Variants in LACTB2 observed in about 807,000 individuals in gnomAD.
LACTB2 encodes lactamase beta 2, also known as endoribonuclease LACTB2.
A neutral mutation model predicts 34.8 loss-of-function variants in LACTB2; 32 were observed. The ratio of observed to expected loss-of-function variants is 0.92; its 90% CI spans 0.69 to 1.24. The LOEUF is 1.24. Among genes scored for constraint, LACTB2 ranks in the 50% most tolerant of loss-of-function variants. The pLI, the probability that LACTB2 is intolerant of heterozygous loss-of-function variation, is 0.00. For synonymous variants in LACTB2, 120 were observed against 117.5 expected, an observed-to-expected ratio of 1.02 and a Z score of -0.14; for missense variants, 320 against 345.0, an observed-to-expected ratio of 0.93 and a Z score of 0.57.
At chr8:70,650,591 G>C (rs567437215) in intron 3 of LACTB2, among the ~76,000 whole-genome samples, 1 of 151,880 alleles carries the variant, frequency 6.6e-6, no homozygotes, top group Non-Finnish European at 1.5e-5. Flanking sequence ...TTAGCTGGGC[G>C]TGGTGGCGGA....
At chr8:70,655,508 C>G (rs1361357801) in intron 3 of LACTB2, among the ~76,000 whole-genome samples, 1 of 152,150 alleles carries the variant, frequency 6.6e-6, no homozygotes, top group Non-Finnish European at 1.5e-5. Context: ...AGGTGTGAGC[C>G]ACCATGCCTG....
intron 3 of LACTB2, among the ~76,000 whole-genome samples, chr8:70,648,652 G>C (rs986666236): frequency 1.3e-5 from 2 of 152,100 alleles, no homozygotes; most frequent in Non-Finnish European, 2.9e-5. Context: ...CAGCACAAAA[G>C]AGATGAGAGA....
rs1433655301 is a variant in LACTB2 at position 70,647,106 on chromosome 8, A to G, written c.414-2863T>C. On this transcript the variant is annotated intron_variant, in intron 3 of 6. Transcript: ENST00000276590. Reference sequence around the variant, plus strand: ...CCTCTCCATTTTACATTTTACATAAATAAATCACAGCAAATAGCAATACAT... The same window carrying G: ...CCTCTCCATTTTACATTTTACATAAGTAAATCACAGCAAATAGCAATACAT... Among the ~76,000 whole-genome samples the G allele has an allele frequency of 2.0e-5, 3 of 152,316 alleles. No homozygotes were observed. The East Asian group carries it at 5.8e-4, about 29-fold the overall frequency.
Position 70,650,788 on chromosome 8 carries a change from A to G in LACTB2, c.414-6545T>C, listed in dbSNP as rs914372479. ...AAAAAAGAAACAGATAAAGCCCCAA[A>G]CTGACAAAGGTACAAAAAGAAAAAT... On this transcript the variant is annotated intron_variant, in intron 3 of 6. Coordinates refer to ENST00000276590, the MANE Select transcript of LACTB2 (RefSeq NM_016027.3). Among the ~76,000 whole-genome samples, 13 of 151,148 alleles carry G rather than the reference A, an allele frequency of 8.6e-5. No homozygotes were observed. In the South Asian group the frequency reaches 2.1e-3, roughly 24 times the overall value.
intron 2 of LACTB2, chr8:70,660,512 CAG>C (rs1025096380): frequency 5.0e-5 from 21 of 416,404 alleles, no homozygotes; most frequent in Non-Finnish European, 9.7e-5. Context: ...CCTAAAAAAG[CAG>C]ATCTTTACAA....
At chr8:70,667,848 T>C (rs1050848314) in intron 1 of LACTB2, among the ~76,000 whole-genome samples, 3 of 152,220 alleles carry the variant, frequency 2.0e-5, no homozygotes, top group African/African-American at 4.8e-5. Flanking sequence ...TCTGATAATA[T>C]GCATCTTTTG....
chr8:70,667,919 G>C (rs369612067), intron 1 of LACTB2, among the ~76,000 whole-genome samples: 25 of 152,178 alleles, frequency 1.6e-4, no homozygotes, highest in African/African-American at 5.6e-4. Context: ...GGATTTACTT[G>C]GTTGAGGGAC....
intron 1 of LACTB2, 146 bp from the exon 2 acceptor site, chr8:70,662,043 T>A: frequency 1.6e-6 from 1 of 617,606 alleles, no homozygotes; most frequent in Non-Finnish European, 2.7e-6. Context: ...CACTTCAGCT[T>A]AACTACAGTA....
At chr8:70,651,551 C>A (rs1234841881) in intron 3 of LACTB2, among the ~76,000 whole-genome samples, 1 of 152,098 alleles carries the variant, frequency 6.6e-6, no homozygotes, top group Admixed American at 6.5e-5. Flanking sequence ...CAAAAACTCA[C>A]TTGTAGAACC....
At chr8:70,662,405 T>C (rs1344808108) in intron 1 of LACTB2, 2 of 152,320 alleles carry the variant, frequency 1.3e-5, no homozygotes, top group Admixed American at 1.3e-4. Flanking sequence ...TTTGATTCAA[T>C]GGCACCCCTA....
chr8:70,650,217 C>T (rs962179789), intron 3 of LACTB2, among the ~76,000 whole-genome samples: 4 of 152,040 alleles, frequency 2.6e-5, no homozygotes, highest in Non-Finnish European at 4.4e-5. Flanking sequence ...TCGTTTAGGC[C>T]AACCTTATAT....
chr8:70,661,050 G>C (rs945290638), intron 2 of LACTB2: 3 of 453,720 alleles, frequency 6.6e-6, no homozygotes, highest in African/African-American at 2.0e-5. Context: ...AAAGTGCTGG[G>C]ATTACAGGCA....
chr8:70,657,225 T>G (rs1365911667), intron 3 of LACTB2, among the ~76,000 whole-genome samples: 1 of 152,172 alleles, frequency 6.6e-6, no homozygotes, highest in Non-Finnish European at 1.5e-5. Flanking sequence ...CAACACTTAT[T>G]TTTTAAAGTG....
At chr8:70,653,395 A>G (rs548583414) in intron 3 of LACTB2, among the ~76,000 whole-genome samples, 3 of 152,284 alleles carry the variant, frequency 2.0e-5, no homozygotes, top group East Asian at 1.9e-4. Flanking sequence ...GCACCTGGCT[A>G]TATTTTCAAC....
intron 1 of LACTB2, among the ~76,000 whole-genome samples, chr8:70,668,491 T>C (rs1241207483): frequency 2.0e-5 from 3 of 152,218 alleles, no homozygotes; most frequent in South Asian, 2.1e-4. Flanking sequence ...GCTCCTCTTA[T>C]GAGCCCACAG....
At chr8:70,639,223 G>A (rs1052289454) in intron 5 of LACTB2, among the ~76,000 whole-genome samples, 4 of 146,788 alleles carry the variant, frequency 2.7e-5, no homozygotes, top group South Asian at 2.2e-4. Context: ...GCAATGGCGC[G>A]ATCTCGGCTC....
Position 70,669,025 on chromosome 8 carries a change from G to GT in LACTB2, c.95dup (p.Asn32LysfsTer15). 6.2e-7 allele frequency: 1 copy of GT among 1,603,070 alleles called. No individual in the cohort carries two copies. Among genetic ancestry groups the GT allele is most frequent in the South Asian group, 1.1e-5 (1 of 89,248 alleles). Reference sequence around the variant, plus strand: ...TGGGGCCGGTCCCCACTAGGTAGGTGTTGGTGCCTTGGAGGGTCATGGGAC... The same window carrying GT: ...TGGGGCCGGTCCCCACTAGGTAGGTGTTTGGTGCCTTGGAGGGTCATGGGAC... On this transcript the variant is annotated frameshift_variant, in exon 1 of 7. Transcript: ENST00000276590. LOFTEE classifies it high-confidence loss of function.
At chr8:70,662,044 A>G in intron 1 of LACTB2, 147 bp from the exon 2 acceptor site, 1 of 619,314 alleles carries the variant, frequency 1.6e-6, no homozygotes, top group Non-Finnish European at 2.7e-6. Context: ...ACTTCAGCTT[A>G]ACTACAGTAA....
intron 3 of LACTB2, among the ~76,000 whole-genome samples, chr8:70,652,065 T>A (rs1174729513): frequency 6.6e-6 from 1 of 152,186 alleles, no homozygotes; most frequent in Non-Finnish European, 1.5e-5. Context: ...TGAAAAACCT[T>A]TCTAGTTTTC....
Sources: allele counts gnomAD v4.1 joint callset (sites outside exome capture counted in the v4.1 genomes callset), GRCh38; gene constraint gnomAD v4.1.1; transcripts MANE v1.5; gene names NCBI Gene and HGNC (gene_info 2026-07-23, HGNC 2026-07-21).